FBXL17: variants seen among roughly 807,000 people sequenced by gnomAD.
The protein encoded by FBXL17 is F-box and leucine rich repeat protein 17, also known as F-box/LRR-repeat protein 17.
In FBXL17, 22 loss-of-function variants were observed where a neutral mutation model predicts 66.2. The observed-to-expected ratio is 0.33, with a 90% CI of 0.24 to 0.47. The LOEUF (loss-of-function observed/expected upper bound fraction) is 0.47. FBXL17 is among the 20% of genes least tolerant of loss of function. The pLI is 1.00. For missense variants in FBXL17, 878 were observed against 948.2 expected (o/e 0.93, Z 0.97); for synonymous variants, 474 against 400.5 (o/e 1.18, Z -2.19).
intron 2 of FBXL17, among the ~76,000 whole-genome samples, chr5:108,367,014 A>T (rs1748710512): frequency 6.6e-6 from 1 of 152,106 alleles, no homozygotes; most frequent in Non-Finnish European, 1.5e-5. Context: ...GGGAGTATTT[A>T]TGTAATAGAA....
intron 4 of FBXL17, among the ~76,000 whole-genome samples, chr5:108,274,824 C>T (rs1316022972): frequency 6.6e-6 from 1 of 152,084 alleles, no homozygotes; most frequent in Non-Finnish European, 1.5e-5. Context: ...CCTGACTTCC[C>T]GCAACAAATA....
At chr5:107,908,484 T>C (rs1417663522) in intron 7 of FBXL17, among the ~76,000 whole-genome samples, 1 of 152,174 alleles carries the variant, frequency 6.6e-6, no homozygotes, top group Non-Finnish European at 1.5e-5. Flanking sequence ...TATTCAAAGT[T>C]AAAGGAAGTC....
Position 108,033,412 on chromosome 5 carries a change from T to A in FBXL17, c.1746-12411A>T, listed in dbSNP as rs1203315352. The stretch of plus-strand genomic sequence containing the variant: ...GGCACAAATCTTAAAAGCAATCGGT[T>A]TTGACAAATGCATATATATGTCTAC... On this transcript the variant is annotated intron_variant, in intron 6 of 8. Transcript: ENST00000542267. 2.0e-5 allele frequency among the ~76,000 whole-genome samples: 3 copies of A among 152,124 alleles called. No homozygotes were observed. The East Asian group carries it at 5.8e-4, about 29-fold the overall frequency.
intron 4 of FBXL17, among the ~76,000 whole-genome samples, chr5:108,330,283 C>CT (rs1760061086): frequency 6.6e-6 from 1 of 152,138 alleles, no homozygotes; most frequent in Non-Finnish European, 1.5e-5. Flanking sequence ...CACGTGATAA[C>CT]TTTTTTCCAT....
chr5:108,196,674 A>G (rs763572112), intron 5 of FBXL17, among the ~76,000 whole-genome samples: 1 of 152,180 alleles, frequency 6.6e-6, no homozygotes, highest in Non-Finnish European at 1.5e-5. Context: ...AAGTTTCCAG[A>G]AATCAGTTCT....
chr5:108,159,625 T>C (rs1752131740), intron 6 of FBXL17, among the ~76,000 whole-genome samples: 1 of 152,172 alleles, frequency 6.6e-6, no homozygotes, highest in African/African-American at 2.4e-5. Flanking sequence ...TGTTCTTAAC[T>C]TCCAAGCCTC....
chr5:107,913,368 G>T (rs1750014450), intron 7 of FBXL17, among the ~76,000 whole-genome samples: 1 of 152,134 alleles, frequency 6.6e-6, no homozygotes, highest in East Asian at 1.9e-4. Flanking sequence ...CAGAGGAGAT[G>T]GGATGAGAGA....
intron 5 of FBXL17, among the ~76,000 whole-genome samples, chr5:108,188,578 C>G (rs1753334277): frequency 6.6e-6 from 1 of 152,198 alleles, no homozygotes; most frequent in South Asian, 2.1e-4. Flanking sequence ...AACATCAGAA[C>G]ATAACTGGTA....
At chr5:107,949,527 A>G (rs1022109102) in intron 7 of FBXL17, among the ~76,000 whole-genome samples, 14 of 152,214 alleles carry the variant, frequency 9.2e-5, no homozygotes, top group Admixed American at 6.5e-5. Flanking sequence ...AAATCACAAG[A>G]AGGAAGACTT....
At chr5:108,052,976 G>A (rs1747541204) in intron 6 of FBXL17, among the ~76,000 whole-genome samples, 1 of 152,282 alleles carries the variant, frequency 6.6e-6, no homozygotes, top group African/African-American at 2.4e-5. Flanking sequence ...AAATGGTGCT[G>A]GGAAAACTGG....
At chr5:107,927,865 C>CT (rs1272836124) in intron 7 of FBXL17, among the ~76,000 whole-genome samples, 1 of 152,024 alleles carries the variant, frequency 6.6e-6, no homozygotes, top group African/African-American at 2.4e-5. Context: ...TTGCACATGG[C>CT]TTTTTTCAGA....
chr5:108,206,838 C>T (rs972420579), intron 5 of FBXL17, among the ~76,000 whole-genome samples: 1 of 152,098 alleles, frequency 6.6e-6, no homozygotes, highest in South Asian at 2.1e-4. Context: ...GGATCCATGT[C>T]TTTGCATGTA....
intron 5 of FBXL17, among the ~76,000 whole-genome samples, chr5:108,204,453 T>C (rs1754028194): frequency 6.6e-6 from 1 of 152,096 alleles, no homozygotes; most frequent in South Asian, 2.1e-4. Flanking sequence ...CCCAAAGTAC[T>C]AGGATTACAG....
intron 5 of FBXL17, among the ~76,000 whole-genome samples, chr5:108,210,777 T>C (rs530784644): frequency 1.1e-4 from 16 of 152,188 alleles, no homozygotes; most frequent in Non-Finnish European, 2.2e-4. Flanking sequence ...CTGAGAAGAA[T>C]GTATATTCTG....
chr5:107,923,318 T>G (rs1750385463), intron 7 of FBXL17, among the ~76,000 whole-genome samples: 2 of 152,186 alleles, frequency 1.3e-5, no homozygotes, highest in Admixed American at 1.3e-4. Flanking sequence ...GCCTGTCCTT[T>G]CCTCTGGTGG....
chr5:107,966,904 T>C (rs1049643379), intron 7 of FBXL17, among the ~76,000 whole-genome samples: 6 of 152,120 alleles, frequency 3.9e-5, no homozygotes, highest in Admixed American at 2.0e-4. Context: ...GTTTCTTTTT[T>C]CCTTGTTTTG....
At chr5:108,353,818 AAAACCTAATCCT>A (rs1411143834) in intron 3 of FBXL17, among the ~76,000 whole-genome samples, 1 of 152,204 alleles carries the variant, frequency 6.6e-6, no homozygotes, top group African/African-American at 2.4e-5. Flanking sequence ...CCAAAATATT[AAAACCTAATCCT>A]AAAACTATAG....
intron 7 of FBXL17, among the ~76,000 whole-genome samples, chr5:107,941,651 G>T (rs189437495): frequency 1.3e-5 from 2 of 152,276 alleles, no homozygotes; most frequent in Non-Finnish European, 2.9e-5. Flanking sequence ...AAGACTTGGT[G>T]ACTAAGGACG....
chr5:107,957,895 C>A (rs925135220), intron 7 of FBXL17, among the ~76,000 whole-genome samples: 2 of 152,008 alleles, frequency 1.3e-5, no homozygotes, highest in African/African-American at 4.8e-5. Flanking sequence ...TTTAAGATGA[C>A]CTGGTCAATT....
Sources: gnomAD v4.1 joint callset for allele counts (sites outside exome capture counted in the v4.1 genomes callset) on GRCh38, gnomAD v4.1.1 for gene constraint, MANE v1.5 for transcripts, NCBI Gene and HGNC (gene_info 2026-07-23, HGNC 2026-07-21) for gene names.